PCDHGA2: variants seen among roughly 807,000 people sequenced by gnomAD.
The protein encoded by PCDHGA2 is protocadherin gamma-A2.
In PCDHGA2, 40 loss-of-function variants were observed where a neutral mutation model predicts 59.2. That is an observed-to-expected ratio of 0.68 (90% CI 0.52 to 0.88). The LOEUF is 0.88. PCDHGA2 is among the 40% of genes least tolerant of loss of function. The pLI, the probability that PCDHGA2 is intolerant of heterozygous loss-of-function variation, is 0.00. For missense variants in PCDHGA2, 1,226 were observed against 1,204.0 expected, an observed-to-expected ratio of 1.02 and a Z score of -0.27; for synonymous variants, 560 against 526.0, an observed-to-expected ratio of 1.06 and a Z score of -0.89.
At chr5:141,385,375 T>C (rs1781162127) in intron 1 of PCDHGA2, 2 of 1,523,626 alleles carry the variant, frequency 1.3e-6, no homozygotes, top group South Asian at 1.3e-5. Context: ...GCATGATATT[T>C]CTCTATTATT....
intron 1 of PCDHGA2, chr5:141,344,444 A>T (rs760205846): frequency 1.2e-6 from 2 of 1,613,728 alleles, no homozygotes; most frequent in Non-Finnish European, 1.7e-6. Context: ...CAACAGAGGA[A>T]TTGGAAATAA....
At chr5:141,433,202 T>C (rs1433315739) in intron 1 of PCDHGA2, 2 of 1,578,202 alleles carry the variant, frequency 1.3e-6, no homozygotes, top group Non-Finnish European at 1.7e-6. Context: ...ATATCAAATC[T>C]TCTTTCTTTT....
At chr5:141,500,250 C>T (rs913074120) in intron 2 of PCDHGA2, among the ~76,000 whole-genome samples, 4 of 149,826 alleles carry the variant, frequency 2.7e-5, no homozygotes, top group African/African-American at 9.9e-5. Flanking sequence ...GCTCTGTCAC[C>T]CAGGCTGGAC....
chr5:141,467,284 C>T (rs2099140788), intron 1 of PCDHGA2, among the ~76,000 whole-genome samples: 1 of 152,080 alleles, frequency 6.6e-6, no homozygotes, highest in Non-Finnish European at 1.5e-5. Context: ...AACTCTTGAC[C>T]TCAAGTGATC....
chr5:141,473,260 G>T (rs2099318007), intron 1 of PCDHGA2, among the ~76,000 whole-genome samples: 1 of 152,148 alleles, frequency 6.6e-6, no homozygotes, highest in South Asian at 2.1e-4. Flanking sequence ...ATAGTCCTTA[G>T]TGTATGCTAT....
At chr5:141,384,642 C>T (rs373564078) in intron 1 of PCDHGA2, 5 of 1,614,214 alleles carry the variant, frequency 3.1e-6, no homozygotes, top group South Asian at 2.2e-5. Flanking sequence ...CACCCCGCTC[C>T]GCAGAGCCCG....
At chr5:141,346,139 C>A (rs532424097) in intron 1 of PCDHGA2, 1 of 1,613,984 alleles carries the variant, frequency 6.2e-7, no homozygotes, top group South Asian at 1.1e-5. Flanking sequence ...CGGTCTCCTG[C>A]GTCTTCCTGG....
intron 1 of PCDHGA2, among the ~76,000 whole-genome samples, chr5:141,461,906 C>A (rs2154567542): frequency 6.6e-6 from 1 of 152,270 alleles, no homozygotes; most frequent in South Asian, 2.1e-4. Context: ...TCACTGCAAC[C>A]TCTGCCTCCT....
chr5:141,385,640 A>C (rs917789862), intron 1 of PCDHGA2: 1 of 803,664 alleles, frequency 1.2e-6, no homozygotes, highest in Admixed American at 4.6e-5. Context: ...CGAGTCTTTC[A>C]TATTGCACAA....
chr5:141,463,446 T>TC, intron 1 of PCDHGA2, among the ~76,000 whole-genome samples: 1 of 125,012 alleles, frequency 8.0e-6, no homozygotes, highest in Non-Finnish European at 1.7e-5. Flanking sequence ...TCCTTTTTTT[T>TC]TTTTTTTTTT....
chr5:141,392,964 G>A (rs772870041), intron 1 of PCDHGA2: 2 of 1,613,902 alleles, frequency 1.2e-6, no homozygotes, highest in South Asian at 1.1e-5. Context: ...TATCTCCAAG[G>A]ACCTGGGGCT....
chr5:141,503,417 A>T (rs1431276679), intron 2 of PCDHGA2, among the ~76,000 whole-genome samples: 2 of 151,968 alleles, frequency 1.3e-5, no homozygotes, highest in Non-Finnish European at 2.9e-5. Flanking sequence ...CAATATGGTG[A>T]AACCCCATCT....
At chr5:141,414,844 C>T (rs769714220) in intron 1 of PCDHGA2, 3 of 1,614,216 alleles carry the variant, frequency 1.9e-6, no homozygotes, top group South Asian at 2.2e-5. Flanking sequence ...CCTGTTTGTG[C>T]TGGACCAGAA....
intron 1 of PCDHGA2, chr5:141,344,543 C>T: frequency 3.7e-6 from 6 of 1,614,030 alleles, no homozygotes; most frequent in Non-Finnish European, 5.1e-6. Flanking sequence ...TGCAGAACTA[C>T]AAGCTTAGCC....
chr5:141,436,635 A>G (rs953396225), intron 1 of PCDHGA2, among the ~76,000 whole-genome samples: 8 of 152,184 alleles, frequency 5.3e-5, no homozygotes, highest in African/African-American at 1.9e-4. Context: ...ACAACATGCA[A>G]TTAATTAACA....
chr5:141,362,224 G>A (rs1762382542), intron 1 of PCDHGA2: 1 of 1,613,904 alleles, frequency 6.2e-7, no homozygotes, highest in African/African-American at 1.3e-5. Flanking sequence ...TGTGGCCTTG[G>A]CCTTGATCTC....
At chr5:141,383,386 G>A in intron 1 of PCDHGA2, 1 of 1,614,000 alleles carries the variant, frequency 6.2e-7, no homozygotes. Context: ...TCCAGATGTG[G>A]GCACGAACTC....
chr5:141,344,825 G>A (rs777363895), intron 1 of PCDHGA2: 1 of 1,613,984 alleles, frequency 6.2e-7, no homozygotes, highest in South Asian at 1.1e-5. Flanking sequence ...TGCTCACGGT[G>A]AATGCCACTG....
chr5:141,436,875 A>C (rs1182313546), intron 1 of PCDHGA2, among the ~76,000 whole-genome samples: 3 of 152,236 alleles, frequency 2.0e-5, no homozygotes, highest in African/African-American at 7.2e-5. Context: ...TTAGGCCATA[A>C]AAGATGGGGG....
Sources: gnomAD v4.1 joint callset for allele counts (sites outside exome capture counted in the v4.1 genomes callset) on GRCh38, gnomAD v4.1.1 for gene constraint, MANE v1.5 for transcripts, NCBI Gene and HGNC (gene_info 2026-07-23, HGNC 2026-07-21) for gene names.